The following DTNB variants were observed in gnomAD, a reference collection of about 807,000 sequenced individuals.
DTNB encodes the protein dystrobrevin beta.
DTNB carries 63 observed loss-of-function variants against 90.7 expected under a neutral mutation model. The ratio of observed to expected loss-of-function variants is 0.69; its 90% CI spans 0.57 to 0.86. DTNB has a LOEUF of 0.86. Ranked by LOEUF, DTNB falls within the 40% of genes least tolerant of loss-of-function variation. DTNB has a pLI of 0.00. For missense variants in DTNB, 744 were observed against 807.1 expected, an observed-to-expected ratio of 0.92 and a Z score of 0.95; for synonymous variants, 277 against 286.7, an observed-to-expected ratio of 0.97 and a Z score of 0.34.
intron 8 of DTNB, among the ~76,000 whole-genome samples, chr2:25,570,406 C>T (rs868600370): frequency 7.8e-5 from 7 of 89,914 alleles, no homozygotes; most frequent in African/African-American, 3.6e-4. Flanking sequence ...TTTCCTGTCT[C>T]AAAAAAAAAA....
chr2:25,498,658 C>T (rs527485559), intron 9 of DTNB, among the ~76,000 whole-genome samples: 1 of 151,622 alleles, frequency 6.6e-6, no homozygotes, highest in Admixed American at 6.6e-5. Flanking sequence ...CCAGCCTGGG[C>T]AACATGGTGA....
intron 9 of DTNB, among the ~76,000 whole-genome samples, chr2:25,495,242 T>C (rs1289715521): frequency 6.6e-6 from 1 of 152,114 alleles, no homozygotes; most frequent in African/African-American, 2.4e-5. Flanking sequence ...TTTCTGTATT[T>C]TTCATAGAGT....
Position 25,380,572 on chromosome 2 carries a change from CA to C in DTNB, c.1880-1250del, listed in dbSNP as rs563263848. 3.3e-5 allele frequency among the ~76,000 whole-genome samples: 5 copies of C among 152,364 alleles called. No individual in the cohort carries two copies. The South Asian group carries it at 1.0e-3, about 32-fold the overall frequency. On this transcript the variant is annotated intron_variant, in intron 19 of 20. Transcript: ENST00000406818. ...CACAAAAAGATTTCACATAGACATA[CA>C]GACATTCTGGTATATGCACTGAAAG...
intron 9 of DTNB, among the ~76,000 whole-genome samples, chr2:25,508,026 A>C (rs190286166): frequency 1.3e-5 from 2 of 152,284 alleles, no homozygotes; most frequent in Non-Finnish European, 2.9e-5. Flanking sequence ...TTAAGGCCTA[A>C]AGCAATTATT....
chr2:25,566,674 A>C (rs1412551161), intron 8 of DTNB, among the ~76,000 whole-genome samples: 1 of 152,130 alleles, frequency 6.6e-6, no homozygotes, highest in Non-Finnish European at 1.5e-5. Flanking sequence ...GTCAATCCCT[A>C]ATAGTCGATA....
intron 9 of DTNB, among the ~76,000 whole-genome samples, chr2:25,521,330 G>A (rs907065637): frequency 5.3e-5 from 8 of 151,886 alleles, no homozygotes; most frequent in Admixed American, 3.9e-4. Flanking sequence ...TGCCACTGGA[G>A]CTCGAAAGCA....
At chr2:25,580,209 G>A (rs1455869158) in intron 7 of DTNB, among the ~76,000 whole-genome samples, 2 of 151,858 alleles carry the variant, frequency 1.3e-5, no homozygotes, top group East Asian at 3.9e-4. Context: ...TGGAACTCCT[G>A]ATCACAAGTG....
intron 6 of DTNB, among the ~76,000 whole-genome samples, chr2:25,593,878 C>T (rs1269920904): frequency 6.6e-6 from 1 of 152,188 alleles, no homozygotes; most frequent in Non-Finnish European, 1.5e-5. Flanking sequence ...TACAAATTCC[C>T]TTCCCCATTC....
intron 6 of DTNB, among the ~76,000 whole-genome samples, chr2:25,589,367 C>CCT (rs2063077143): frequency 1.7e-5 from 1 of 57,556 alleles, no homozygotes; most frequent in Non-Finnish European, 3.0e-5. Flanking sequence ...TTTTTCTTTT[C>CCT]TTTTTTTTTT....
intron 16 of DTNB, among the ~76,000 whole-genome samples, chr2:25,390,563 C>A (rs2040817347): frequency 6.6e-6 from 1 of 151,974 alleles, no homozygotes; most frequent in African/African-American, 2.4e-5. Flanking sequence ...CCTGCCTCAG[C>A]CTCCAAAGTA....
chr2:25,412,205 T>C (rs561941894), intron 16 of DTNB, among the ~76,000 whole-genome samples: 10 of 152,278 alleles, frequency 6.6e-5, no homozygotes, highest in African/African-American at 2.2e-4. Context: ...CTTTGAGGTA[T>C]ATTTGGTAGA....
chr2:25,419,244 A>G (rs2048706330), intron 16 of DTNB: 1 of 554,602 alleles, frequency 1.8e-6, no homozygotes, highest in East Asian at 3.0e-5. Context: ...GGAAAATGCA[A>G]TGGTAGCCTG....
chr2:25,608,796 A>G (rs980462400), intron 4 of DTNB, among the ~76,000 whole-genome samples: 1 of 152,176 alleles, frequency 6.6e-6, no homozygotes, highest in African/African-American at 2.4e-5. Context: ...AAAAACATAT[A>G]TTTGCTTTCT....
In DTNB at chr2:25,387,559, T is replaced by C. The variant is rs370579447; in HGVS notation, c.1736-181A>G. ...CCGGGGGCAGGAGGCACCAGCCCACTGGTCCCTCTCCCTCTGCCCTCTCTA... is the reference window on the plus strand; with the variant it reads ...CCGGGGGCAGGAGGCACCAGCCCACCGGTCCCTCTCCCTCTGCCCTCTCTA... On this transcript the variant is annotated intron_variant, in intron 17 of 20. Transcript: ENST00000406818. The surrounding 1 kb of genome is among the most constrained non-coding windows in gnomAD (Gnocchi z 4.5). Among the ~76,000 whole-genome samples the C allele has an allele frequency of 1.4e-4, 21 of 152,270 alleles. No individual in the cohort carries two copies. The highest frequency in any genetic ancestry group is 9.7e-4 in the East Asian group (5 of 5,178).
intron 16 of DTNB, among the ~76,000 whole-genome samples, chr2:25,413,436 C>T (rs931990301): frequency 1.1e-4 from 14 of 126,720 alleles, no homozygotes; most frequent in Non-Finnish European, 1.1e-4. Flanking sequence ...CCACGACAGG[C>T]CCCGGTGTGT....
chr2:25,457,069 G>C (rs1175892668), intron 10 of DTNB, among the ~76,000 whole-genome samples: 2 of 152,010 alleles, frequency 1.3e-5, no homozygotes, highest in Non-Finnish European at 2.9e-5. Flanking sequence ...GAGTGCAGTG[G>C]TGCAATCTCA....
chr2:25,598,522 G>A (rs530788021), intron 5 of DTNB, among the ~76,000 whole-genome samples: 1 of 152,092 alleles, frequency 6.6e-6, no homozygotes, highest in Non-Finnish European at 1.5e-5. Context: ...ACTTGCTTAA[G>A]GTCAAAAAGT....
intron 7 of DTNB, among the ~76,000 whole-genome samples, chr2:25,578,062 C>T (rs2060977372): frequency 6.6e-6 from 1 of 152,100 alleles, no homozygotes; most frequent in African/African-American, 2.4e-5. Context: ...CATTGAACAA[C>T]TCTTTCTAGC....
In DTNB at chr2:25,381,731, G is replaced by A. The variant is rs528150934; in HGVS notation, c.1879+2105C>T. ...ATGTCATTCTCATCAACTCGTTGGCGCTGCTGTCCACTTCCTCCCAGGCCT... is the reference window on the plus strand; with the variant it reads ...ATGTCATTCTCATCAACTCGTTGGCACTGCTGTCCACTTCCTCCCAGGCCT... On this transcript the variant is annotated intron_variant, in intron 19 of 20. Coordinates refer to ENST00000406818, the MANE Select transcript of DTNB (RefSeq NM_021907.5). Among the ~76,000 whole-genome samples the A allele has an allele frequency of 2.0e-5, 3 of 152,332 alleles. No individual in the cohort carries two copies. In the East Asian group the frequency reaches 5.8e-4, roughly 29 times the overall value.
Sources: gnomAD v4.1 joint callset for allele counts (sites outside exome capture counted in the v4.1 genomes callset) on GRCh38, gnomAD v4.1.1 for gene constraint, Gnocchi (gnomAD v3.1) non-coding constraint, MANE v1.5 for transcripts, NCBI Gene and HGNC (gene_info 2026-07-23, HGNC 2026-07-21) for gene names.